Variants in TBC1D32 observed in about 807,000 individuals in gnomAD.
The protein encoded by TBC1D32 is protein broad-minded.
In TBC1D32, 151 loss-of-function variants were observed where a neutral mutation model predicts 170.3. The observed-to-expected ratio is 0.89, with a 90% confidence interval of 0.78 to 1.01. TBC1D32 has a LOEUF of 1.01. Ranked by LOEUF, TBC1D32 falls within the 50% of genes least tolerant of loss-of-function variation. The probability of loss-of-function intolerance (pLI) is 0.00; values close to 1 mark genes in which losing one functional copy is unlikely to be tolerated. For missense variants in TBC1D32, 1,464 were observed against 1,457.1 expected (o/e 1.00, Z -0.08); for synonymous variants, 498 against 488.0 (o/e 1.02, Z -0.27).
intron 22 of TBC1D32, among the ~76,000 whole-genome samples, chr6:121,191,292 A>G (rs1789982454): frequency 6.6e-6 from 1 of 152,232 alleles, no homozygotes; most frequent in Admixed American, 6.5e-5. Context: ...GGCACACACA[A>G]AAGTAGCAGA....
At chr6:121,120,328 C>T (rs1273718) in intron 26 of TBC1D32, among the ~76,000 whole-genome samples, 41,299 of 151,878 alleles carry the variant, frequency 0.27, 8,542 homozygotes, top group African/African-American at 0.57. Flanking sequence ...AGGGCAGTAA[C>T]GCATGCACAC....
intron 25 of TBC1D32, among the ~76,000 whole-genome samples, chr6:121,127,409 G>A (rs1053120440): frequency 1.3e-5 from 2 of 152,056 alleles, no homozygotes; most frequent in Admixed American, 1.3e-4. Flanking sequence ...TTTATTCATT[G>A]AACTCTATTC....
intron 12 of TBC1D32, among the ~76,000 whole-genome samples, chr6:121,288,209 C>T (rs911597450): frequency 3.3e-5 from 5 of 152,056 alleles, no homozygotes; most frequent in African/African-American, 1.2e-4. Context: ...TCAATGAATC[C>T]AGGAGCTGGT....
At chr6:121,312,789 T>C (rs951426995) in intron 3 of TBC1D32, among the ~76,000 whole-genome samples, 7 of 152,214 alleles carry the variant, frequency 4.6e-5, no homozygotes, top group African/African-American at 7.2e-5. Flanking sequence ...AATTGTGCCA[T>C]GCTGTCAGCC....
chr6:121,090,795 T>G, intron 31 of TBC1D32, 58 bp downstream of exon 31: 1 of 1,494,712 alleles, frequency 6.7e-7, no homozygotes. Context: ...TATCTAATAT[T>G]AAGCAACCAA....
intron 1 of TBC1D32, among the ~76,000 whole-genome samples, chr6:121,324,925 T>C (rs545614690): frequency 6.6e-6 from 1 of 152,244 alleles, no homozygotes; most frequent in East Asian, 1.9e-4. Flanking sequence ...AAAAAGCTCT[T>C]TGGGCTGGGC....
At chr6:121,256,568 T>C (rs569258127) in intron 15 of TBC1D32, among the ~76,000 whole-genome samples, 41 of 152,324 alleles carry the variant, frequency 2.7e-4, no homozygotes, top group African/African-American at 9.9e-4. Flanking sequence ...GTATTGTCAA[T>C]TCTACAGTGA....
intron 24 of TBC1D32, among the ~76,000 whole-genome samples, chr6:121,152,808 T>G (rs547134151): frequency 6.6e-6 from 1 of 152,144 alleles, no homozygotes; most frequent in Non-Finnish European, 1.5e-5. Context: ...CTGATACTTG[T>G]GTATGCTTCA....
chr6:121,316,711 A>G (rs1051259205), intron 3 of TBC1D32, among the ~76,000 whole-genome samples: 4 of 152,072 alleles, frequency 2.6e-5, no homozygotes, highest in Non-Finnish European at 5.9e-5. Context: ...AACTTGACCA[A>G]TGTACATATT....
intron 15 of TBC1D32, among the ~76,000 whole-genome samples, chr6:121,276,621 G>A (rs932846599): frequency 6.6e-6 from 1 of 152,064 alleles, no homozygotes; most frequent in African/African-American, 2.4e-5. Context: ...TAGATTAAAA[G>A]TCAAGACCCA....
At position 121,303,742 on chromosome 6, in the gene TBC1D32, C is replaced by A; in HGVS notation, c.955G>T (p.Glu319Ter). 1.3e-6 allele frequency: 2 copies of A among 1,546,554 alleles called. No homozygotes were observed. The highest frequency in any genetic ancestry group is 1.3e-5 in the South Asian group (1 of 79,150). Residue 319 changes from glutamate to a stop codon, truncating the protein, a stop_gained, in exon 9 of 32, where the codon GAG becomes TAG. Coordinates refer to ENST00000398212, the MANE Select transcript of TBC1D32 (RefSeq NM_152730.6). LOFTEE classifies it high-confidence loss of function. Reference sequence around the variant, plus strand: ...ACTGTTAACAAGGACAAAGTACTCTCCACAATTTCTTCCATATACCTTAAA... The same window carrying A: ...ACTGTTAACAAGGACAAAGTACTCTACACAATTTCTTCCATATACCTTAAA... Reference protein sequence around the residue: ...HPEKYMEEIVESTLSLLTVKH... With the variant: ...HPEKYMEEIV
At chr6:121,194,912 G>A (rs1046833030) in intron 22 of TBC1D32, among the ~76,000 whole-genome samples, 15 of 152,226 alleles carry the variant, frequency 9.9e-5, no homozygotes, top group African/African-American at 3.6e-4. Context: ...ATGTCTGCAA[G>A]AAGATGGGAA....
chr6:121,255,442 A>C, intron 16 of TBC1D32, 32 bp from the exon 17 acceptor site: 1 of 734,224 alleles, frequency 1.4e-6, no homozygotes, highest in Middle Eastern at 3.0e-4. Context: ...TATATTGCTT[A>C]CTGATAGCAC....
At chr6:121,264,047 C>A (rs1052086434) in intron 15 of TBC1D32, among the ~76,000 whole-genome samples, 9 of 151,674 alleles carry the variant, frequency 5.9e-5, no homozygotes, top group African/African-American at 2.2e-4. Flanking sequence ...CAAGAGCAAA[C>A]AAATACAAAA....
chr6:121,310,646 T>C, intron 4 of TBC1D32, 133 bp downstream of exon 4: 1 of 624,680 alleles, frequency 1.6e-6, no homozygotes, highest in Non-Finnish European at 2.8e-6. Context: ...TTACCAGGGA[T>C]ATCAGTCCAG....
intron 22 of TBC1D32, among the ~76,000 whole-genome samples, chr6:121,203,916 A>AT (rs1791907736): frequency 1.3e-5 from 2 of 151,298 alleles, no homozygotes; most frequent in Admixed American, 1.3e-4. Context: ...TATATAACTT[A>AT]ATAAAGTCTT....
At chr6:121,137,728 T>G (rs1782290097) in intron 24 of TBC1D32, among the ~76,000 whole-genome samples, 1 of 151,940 alleles carries the variant, frequency 6.6e-6, no homozygotes, top group South Asian at 2.1e-4. Context: ...TTATAGATGA[T>G]GTAGAAAGAG....
chr6:121,271,642 T>C (rs1801446365), intron 15 of TBC1D32, among the ~76,000 whole-genome samples: 1 of 152,176 alleles, frequency 6.6e-6, no homozygotes, highest in Non-Finnish European at 1.5e-5. Flanking sequence ...GAACATTCCA[T>C]GGTCATGGAT....
At chr6:121,233,661 C>T (rs1309215024) in intron 20 of TBC1D32, among the ~76,000 whole-genome samples, 1 of 152,124 alleles carries the variant, frequency 6.6e-6, no homozygotes, top group Non-Finnish European at 1.5e-5. Flanking sequence ...CTTATCCGTT[C>T]TGCCATTCTG....
Sources: gnomAD v4.1 joint callset for allele counts (sites outside exome capture counted in the v4.1 genomes callset) on GRCh38, gnomAD v4.1.1 for gene constraint, MANE v1.5 for transcripts, NCBI Gene and HGNC (gene_info 2026-07-23, HGNC 2026-07-21) for gene names.